Variants in KANSL1 observed in about 807,000 individuals in gnomAD.
KANSL1 encodes the protein KAT8 regulatory NSL complex subunit 1.
KANSL1 carries 22 observed loss-of-function variants against 103.6 expected under a neutral mutation model. That is an observed-to-expected ratio of 0.21 (90% CI 0.15 to 0.30). The LOEUF (loss-of-function observed/expected upper bound fraction) is 0.30. Ranked by LOEUF, KANSL1 falls within the 10% of genes least tolerant of loss-of-function variation. The pLI, the probability that KANSL1 is intolerant of heterozygous loss-of-function variation, is 1.00. For synonymous variants in KANSL1, 600 were observed against 527.6 expected, an observed-to-expected ratio of 1.14 and a Z score of -1.88; for missense variants, 1,337 against 1,399.8, an observed-to-expected ratio of 0.96 and a Z score of 0.72.
intron 2 of KANSL1, among the ~76,000 whole-genome samples, chr17:46,153,896 T>C (rs1331895100): frequency 6.6e-6 from 1 of 152,236 alleles, no homozygotes; most frequent in East Asian, 1.9e-4. Context: ...CAACAGACTA[T>C]TTCATGAACA....
intron 2 of KANSL1, among the ~76,000 whole-genome samples, chr17:46,151,282 T>C (rs1038422123): frequency 6.6e-6 from 1 of 152,246 alleles, no homozygotes; most frequent in Non-Finnish European, 1.5e-5. Context: ...CCGGGCTTAC[T>C]GATGAAAATC....
intron 3 of KANSL1, chr17:46,093,795 C>T (rs998671618): frequency 2.0e-5 from 3 of 152,130 alleles, no homozygotes; most frequent in Admixed American, 2.0e-4. Flanking sequence ...CTCAGCCACA[C>T]CAAGCTAATA....
intron 2 of KANSL1, among the ~76,000 whole-genome samples, chr17:46,127,715 G>A (rs989489256): frequency 1.3e-5 from 2 of 151,790 alleles, no homozygotes; most frequent in Non-Finnish European, 2.9e-5. Context: ...GACAGCAAGG[G>A]TGCAGTGAGC....
intron 2 of KANSL1, among the ~76,000 whole-genome samples, chr17:46,168,711 T>C (rs1461671852): frequency 6.6e-6 from 1 of 152,238 alleles, no homozygotes; most frequent in Non-Finnish European, 1.5e-5. Context: ...AGTACCCAAA[T>C]ATGATCTAAC....
In KANSL1 at chr17:46,038,428, C is replaced by T; in HGVS notation, c.2541+110G>A. The T allele has an allele frequency of 3.5e-6, 4 of 1,158,804 alleles. No homozygotes were observed. The South Asian group carries it at 6.2e-5, about 18-fold the overall frequency. The allele number at this position is 1,158,804 out of a possible 1,614,324, so 71.8% of individuals were successfully genotyped here. A position where few individuals can be genotyped will look rare whatever the true frequency, so the allele number is the denominator to read the frequency against. Reference sequence around the variant, plus strand: ...ACATATGTCATGATGAGCTGAGATCCTATAAATGCCCTGGGCTTTATAACC... The same window carrying T: ...ACATATGTCATGATGAGCTGAGATCTTATAAATGCCCTGGGCTTTATAACC... On this transcript the variant is annotated intron_variant, in intron 10 of 14. Transcript: ENST00000432791.
chr17:46,039,385 C>G, intron 8 of KANSL1, 170 bp from the exon 9 acceptor site: 1 of 637,670 alleles, frequency 1.6e-6, no homozygotes, highest in Non-Finnish European at 2.6e-6. Context: ...AGGATAGGCA[C>G]AGGGAGCCCA....
At position 46,208,785 on chromosome 17, in the gene KANSL1, G is replaced by A. The variant is rs1416813036; in HGVS notation, c.-90+14886C>T. Among the ~76,000 whole-genome samples the A allele has an allele frequency of 6.0e-5, 9 of 151,116 alleles. No individual in the cohort carries two copies. In the South Asian group the frequency reaches 6.3e-4, roughly 11 times the overall value. ...ACAGAGGGTGCAGGAACCTGGAGGC[G>A]GAGGTTGCAGGAAGCCGAGATCCTG... On this transcript the variant is annotated intron_variant, in intron 1 of 14. Transcript: ENST00000572904.
intron 2 of KANSL1, among the ~76,000 whole-genome samples, chr17:46,168,848 A>C (rs985778405): frequency 6.6e-6 from 1 of 152,232 alleles, no homozygotes; most frequent in African/African-American, 2.4e-5. Context: ...CCAAACCATA[A>C]ACCATTATGT....
chr17:46,138,003 C>G (rs930819393), intron 2 of KANSL1, among the ~76,000 whole-genome samples: 1 of 152,084 alleles, frequency 6.6e-6, no homozygotes, highest in African/African-American at 2.4e-5. Context: ...CAGGAGTGAA[C>G]AGTGGCAAAC....
rs1162214494 is a variant in KANSL1 at position 46,099,181 on chromosome 17, G to A, written c.1290-4480C>T. On this transcript the variant is annotated intron_variant, in intron 2 of 14. Coordinates refer to ENST00000432791, the MANE Select transcript of KANSL1 (RefSeq NM_015443.4). ...TACTAAAAATACAAAAAAATTAGCC[G>A]GGCGTGATGGCGGGCGCCTGTAGTC... Among the ~76,000 whole-genome samples the A allele has an allele frequency of 2.8e-5, 4 of 144,858 alleles. 1 individual carries two copies. Among genetic ancestry groups the A allele is most frequent in the South Asian group, 2.1e-4 (1 of 4,714 alleles).
At chr17:46,050,196 G>C (rs1038225424) in intron 7 of KANSL1, 1 of 237,274 alleles carries the variant, frequency 4.2e-6, no homozygotes, top group Non-Finnish European at 8.2e-6. Flanking sequence ...GATTACAGGC[G>C]TGACCCACCA....
chr17:46,189,568 G>C (rs1441652138), intron 1 of KANSL1, among the ~76,000 whole-genome samples: 2 of 152,204 alleles, frequency 1.3e-5, no homozygotes, highest in African/African-American at 2.4e-5. Context: ...TTAGTTTGGT[G>C]TTTTATAGCA....
intron 4 of KANSL1, among the ~76,000 whole-genome samples, chr17:46,074,698 G>A (rs2078694565): frequency 6.6e-6 from 1 of 151,828 alleles, no homozygotes; most frequent in African/African-American, 2.4e-5. Flanking sequence ...AGCCAGGGAG[G>A]TGAAGGCTGG....
intron 4 of KANSL1, among the ~76,000 whole-genome samples, chr17:46,073,956 TTA>T (rs908904933): frequency 6.6e-6 from 1 of 151,910 alleles, no homozygotes; most frequent in Non-Finnish European, 1.5e-5. Flanking sequence ...TTACGGTTTT[TTA>T]TATATATATA....
At chr17:46,064,894 T>G (rs1348681744) in intron 6 of KANSL1, among the ~76,000 whole-genome samples, 1 of 152,030 alleles carries the variant, frequency 6.6e-6, no homozygotes, top group Non-Finnish European at 1.5e-5. Context: ...TTTTTATTAT[T>G]ATTATACTTT....
chr17:46,134,529 T>C (rs1170292444), intron 2 of KANSL1, among the ~76,000 whole-genome samples: 1 of 151,962 alleles, frequency 6.6e-6, no homozygotes, highest in Non-Finnish European at 1.5e-5. Flanking sequence ...CGAACTATTG[T>C]TATATGAATG....
intron 2 of KANSL1, among the ~76,000 whole-genome samples, chr17:46,134,540 T>C (rs997774695): frequency 6.6e-6 from 1 of 151,760 alleles, no homozygotes; most frequent in African/African-American, 2.4e-5. Context: ...TATATGAATG[T>C]TACTTAAAAG....
chr17:46,193,879 A>AAAGAGGGTAAGGC (rs1455261175), upstream of KANSL1: 1 of 158,044 alleles, frequency 6.3e-6, no homozygotes, highest in Non-Finnish European at 1.4e-5. Flanking sequence ...ACTGTGTAGT[A>AAAGAGGGTAAGGC]AAGAGGGTAA....
At chr17:46,053,861 CGCACACGCTCTTCCACTGAAACAAGAT>C (rs1174541637) in intron 6 of KANSL1, among the ~76,000 whole-genome samples, 10 of 152,052 alleles carry the variant, frequency 6.6e-5, no homozygotes, top group Admixed American at 6.6e-4. Context: ...AGTGTACACA[CGCACACGCTCTTCCACTGAAACAAGAT>C]GCCAAATCAT....
Sources: gnomAD v4.1 joint callset for allele counts (sites outside exome capture counted in the v4.1 genomes callset) on GRCh38, gnomAD v4.1.1 for gene constraint, MANE v1.5 for transcripts, NCBI Gene and HGNC (gene_info 2026-07-23, HGNC 2026-07-21) for gene names.